CHD7: variants seen among roughly 807,000 people sequenced by gnomAD.
The protein encoded by CHD7 is chromodomain helicase DNA binding protein 7.
A neutral mutation model predicts 307.3 loss-of-function variants in CHD7; 24 were observed. That is an observed-to-expected ratio of 0.08 (90% confidence interval 0.06 to 0.11). The LOEUF is 0.11. Ranked by LOEUF, CHD7 falls within the 10% of genes least tolerant of loss-of-function variation. The probability of loss-of-function intolerance (pLI) is 1.00; values close to 1 mark genes in which losing one functional copy is unlikely to be tolerated. For missense variants in CHD7, 3,106 were observed against 3,727.1 expected, an observed-to-expected ratio of 0.83 and a Z score of 4.34; for synonymous variants, 1,363 against 1,349.9, an observed-to-expected ratio of 1.01 and a Z score of -0.21.
chr8:60,730,895 A>G (rs965934134), intron 1 of CHD7, among the ~76,000 whole-genome samples: 14 of 152,120 alleles, frequency 9.2e-5, no homozygotes, highest in Admixed American at 2.0e-4. Flanking sequence ...GGAAAATTCC[A>G]GAAATAACTC....
chr8:60,845,865 T>G (rs902015924), intron 23 of CHD7, among the ~76,000 whole-genome samples: 55 of 152,218 alleles, frequency 3.6e-4, no homozygotes, highest in African/African-American at 1.3e-3. Flanking sequence ...AAACACTGTA[T>G]CAATTAAACA....
At chr8:60,839,865 CTCT>C (rs1804892207) in intron 19 of CHD7, among the ~76,000 whole-genome samples, 1 of 152,156 alleles carries the variant, frequency 6.6e-6, no homozygotes, top group African/African-American at 2.4e-5. Context: ...TTCTCCTACT[CTCT>C]TCTTAATAGC....
intron 15 of CHD7, among the ~76,000 whole-genome samples, chr8:60,833,009 A>G (rs1482629831): frequency 6.6e-6 from 1 of 152,164 alleles, no homozygotes; most frequent in Admixed American, 6.5e-5. Flanking sequence ...TAACATACAA[A>G]CTAAGCGCAC....
At chr8:60,744,172 A>C (rs564642187) in intron 2 of CHD7, among the ~76,000 whole-genome samples, 1 of 152,304 alleles carries the variant, frequency 6.6e-6, no homozygotes, top group South Asian at 2.1e-4. Flanking sequence ...TTTGCTAAAC[A>C]AGGGCACGGG....
chr8:60,686,763 A>T (rs1047275856), intron 1 of CHD7, among the ~76,000 whole-genome samples: 1 of 151,952 alleles, frequency 6.6e-6, no homozygotes, highest in African/African-American at 2.4e-5. Context: ...CCTCAGTGTA[A>T]AACAGTCAGA....
intron 26 of CHD7, 32 bp from the exon 27 acceptor site, chr8:60,850,990 TATCAGTATGA>T: frequency 7.2e-7 from 1 of 1,397,042 alleles, no homozygotes; most frequent in Non-Finnish European, 9.8e-7. Flanking sequence ...TTCTTTTGCT[TATCAGTATGA>T]TTCAAATAAT....
intron 11 of CHD7, 108 bp from the exon 12 acceptor site, chr8:60,822,395 A>G: frequency 9.4e-7 from 1 of 1,063,422 alleles, no homozygotes; most frequent in South Asian, 2.0e-5. Flanking sequence ...GAACATCTAA[A>G]GCCTTTGGGT....
chr8:60,856,203 G>A lies in CHD7; in HGVS notation c.7164+1G>A, dbSNP rs2129644267. ...CACTACGTCTCCTCAGTTGTCAAAG[G>A]TGAATTAGAATGGCTTGTTTCTGCA... On this transcript the variant is annotated splice_donor_variant, in intron 33 of 37. Coordinates refer to ENST00000423902, the MANE Select transcript of CHD7 (RefSeq NM_017780.4). LOFTEE classifies it high-confidence loss of function. 6.4e-7 allele frequency: 1 copy of A among 1,573,922 alleles called. No homozygotes were observed. The highest frequency in any genetic ancestry group is 8.6e-7 in the Non-Finnish European group (1 of 1,157,718).
intron 23 of CHD7, among the ~76,000 whole-genome samples, chr8:60,848,226 C>A (rs1330181610): frequency 1.3e-5 from 2 of 152,206 alleles, no homozygotes; most frequent in East Asian, 3.8e-4. Context: ...CGTGTCTAAA[C>A]TTCACAAGCT....
chr8:60,790,347 C>T (rs988018678), intron 3 of CHD7, among the ~76,000 whole-genome samples: 1 of 152,114 alleles, frequency 6.6e-6, no homozygotes, highest in Non-Finnish European at 1.5e-5. Context: ...GAGGGATGGC[C>T]TGCTTTTTGG....
intron 15 of CHD7, among the ~76,000 whole-genome samples, chr8:60,831,721 C>G (rs1355493430): frequency 1.3e-5 from 2 of 151,968 alleles, no homozygotes; most frequent in East Asian, 1.9e-4. Context: ...TGGTGGCAGG[C>G]TAATTTGGGA....
chr8:60,852,211 C>T lies in CHD7; in HGVS notation c.5858C>T (p.Ala1953Val), dbSNP rs748578338. 108 of 1,613,410 alleles carry T rather than the reference C, an allele frequency of 6.7e-5. No individual in the cohort carries two copies. Among genetic ancestry groups the T allele is most frequent in the Non-Finnish European group, 8.6e-5 (101 of 1,179,824 alleles). The change falls in exon 29 of 38, where the codon GCG (alanine) becomes GTG (valine). Residue 1953 changes from alanine (A) to valine (V), a missense_variant. Ala to Val is a moderately conservative substitution (Grantham distance 64). This residue lies in a region of CHD7 where 1,030 missense variants were observed against 1,165.4 expected (regional missense o/e 0.88). Coordinates refer to ENST00000423902, the MANE Select transcript of CHD7 (RefSeq NM_017780.4). ...CGAGAGGAAGTGAGAGCTCTGGAAG[C>T]GGAAAGGGAAGCTATTATATCTGAG... is the stretch of plus-strand genomic sequence containing the variant. ...RPREEVRALE[A>V]EREAIISEKR... is the part of the protein sequence containing the mutation.
intron 1 of CHD7, among the ~76,000 whole-genome samples, chr8:60,700,469 A>T (rs939684364): frequency 2.0e-5 from 3 of 152,258 alleles, no homozygotes; most frequent in African/African-American, 7.2e-5. Flanking sequence ...AGACAATATT[A>T]AGCCCCAAGG....
At chr8:60,808,481 A>C (rs1035706826) in intron 7 of CHD7, among the ~76,000 whole-genome samples, 5 of 152,232 alleles carry the variant, frequency 3.3e-5, no homozygotes, top group African/African-American at 1.2e-4. Flanking sequence ...AAGTTGACTA[A>C]CTTCTGTGTA....
chr8:60,688,958 A>G (rs144651251), intron 1 of CHD7, among the ~76,000 whole-genome samples: 1 of 152,252 alleles, frequency 6.6e-6, no homozygotes, highest in Non-Finnish European at 1.5e-5. Context: ...ACAAGATGGT[A>G]TCTGAAATGG....
In CHD7 at chr8:60,693,192, C is replaced by G. The variant is rs77636896; in HGVS notation, c.-175+14110C>G. ...ACTATGTTGTGCCCTCCGCGACACC[C>G]CCTTGGCGGTCAGAGCGCAGTCCCA... is the stretch of plus-strand genomic sequence containing the variant. On this transcript the variant is annotated intron_variant, in intron 1 of 37. Transcript: ENST00000423902. Among the ~76,000 whole-genome samples, 789 of 152,304 alleles carry G rather than the reference C, an allele frequency of 5.2e-3. 10 individuals are homozygous for G. The highest frequency in any genetic ancestry group is 0.018 in the African/African-American group (735 of 41,564).
intron 33 of CHD7, 40 bp downstream of exon 33, chr8:60,856,242 C>G: frequency 1.4e-6 from 2 of 1,450,138 alleles, no homozygotes; most frequent in Non-Finnish European, 1.9e-6. Context: ...TAAAAGGGAG[C>G]TCTCTAAGCC....
chr8:60,772,927 A>G (rs186368796), intron 2 of CHD7, among the ~76,000 whole-genome samples: 36 of 152,336 alleles, frequency 2.4e-4, no homozygotes, highest in African/African-American at 6.0e-4. Context: ...TAATGGGCTC[A>G]TATTTTGGTT....
At chr8:60,817,167 G>A (rs952245800) in intron 8 of CHD7, among the ~76,000 whole-genome samples, 8 of 152,284 alleles carry the variant, frequency 5.3e-5, no homozygotes, top group African/African-American at 1.9e-4. Flanking sequence ...TCTGGACTTA[G>A]GATCGCCAAT....
Sources: gnomAD v4.1 joint callset for allele counts (sites outside exome capture counted in the v4.1 genomes callset) on GRCh38, gnomAD v4.1.1 for gene constraint, gnomAD v4.1.1 regional missense constraint, MANE v1.5 for transcripts, NCBI Gene and HGNC (gene_info 2026-07-23, HGNC 2026-07-21) for gene names.